MGAT4C: variants seen among roughly 807,000 people sequenced by gnomAD.
The protein encoded by MGAT4C is alpha-1,3-mannosyl-glycoprotein 4-beta-N-acetylglucosaminyltransferase C.
Under a neutral mutation model 40.1 loss-of-function variants are expected in MGAT4C, and 19 were observed. The ratio of observed to expected loss-of-function variants is 0.47; its 90% CI spans 0.33 to 0.70. The LOEUF is 0.70. Ranked by LOEUF, MGAT4C falls within the 30% of genes least tolerant of loss-of-function variation. The pLI, the probability that MGAT4C is intolerant of heterozygous loss-of-function variation, is 0.02. For missense variants in MGAT4C, 491 were observed against 563.2 expected, an observed-to-expected ratio of 0.87 and a Z score of 1.30; for synonymous variants, 181 against 187.1, an observed-to-expected ratio of 0.97 and a Z score of 0.27.
chr12:86,741,224 C>G (rs1951063619), intron 1 of MGAT4C, among the ~76,000 whole-genome samples: 1 of 151,058 alleles, frequency 6.6e-6, no homozygotes, highest in African/African-American at 2.4e-5. Context: ...TTGACAATAG[C>G]AAAGACCTAA....
intron 2 of MGAT4C, among the ~76,000 whole-genome samples, chr12:86,488,282 T>C (rs1205915553): frequency 6.6e-6 from 1 of 150,870 alleles, no homozygotes; most frequent in East Asian, 2.0e-4. Flanking sequence ...AAAAATTAGC[T>C]GGGCATGGTG....
chr12:86,391,330 C>T (rs776308020), intron 3 of MGAT4C, among the ~76,000 whole-genome samples: 11 of 152,096 alleles, frequency 7.2e-5, no homozygotes, highest in Non-Finnish European at 1.0e-4. Context: ...AAACACAGGA[C>T]AGTTGTGCCA....
At chr12:86,043,678 A>G (rs1892094674) in intron 2 of MGAT4C, among the ~76,000 whole-genome samples, 1 of 152,214 alleles carries the variant, frequency 6.6e-6, no homozygotes, top group African/African-American at 2.4e-5. Flanking sequence ...AATCAAGTTG[A>G]CACTCGATAT....
chr12:86,612,967 G>T (rs1401025787), intron 2 of MGAT4C, among the ~76,000 whole-genome samples: 1 of 151,934 alleles, frequency 6.6e-6, no homozygotes, highest in Non-Finnish European at 1.5e-5. Flanking sequence ...TGAATCAATG[G>T]CATTTACACT....
chr12:86,788,129 T>A (rs919733934), intron 1 of MGAT4C, among the ~76,000 whole-genome samples: 1 of 151,052 alleles, frequency 6.6e-6, no homozygotes, highest in Non-Finnish European at 1.5e-5. Flanking sequence ...ATGGGTGCTA[T>A]ATATATATAA....
chr12:86,194,245 C>T (rs1949708499), intron 1 of MGAT4C, among the ~76,000 whole-genome samples: 1 of 151,868 alleles, frequency 6.6e-6, no homozygotes, highest in South Asian at 2.1e-4. Context: ...TATTTAAAAA[C>T]ATCTAAAAAG....
chr12:86,581,654 T>C (rs1448085685), intron 2 of MGAT4C, among the ~76,000 whole-genome samples: 2 of 151,452 alleles, frequency 1.3e-5, no homozygotes, highest in African/African-American at 4.8e-5. Context: ...AGAAGAACTA[T>C]CACTCTTTCT....
At chr12:86,118,244 T>C (rs767127410) in intron 1 of MGAT4C, among the ~76,000 whole-genome samples, 2 of 152,118 alleles carry the variant, frequency 1.3e-5, no homozygotes, top group African/African-American at 4.8e-5. Flanking sequence ...GCCTGAAGAA[T>C]GGGTACTCAA....
chr12:86,684,481 G>A (rs988672115), intron 2 of MGAT4C, among the ~76,000 whole-genome samples: 1 of 152,096 alleles, frequency 6.6e-6, no homozygotes, highest in Non-Finnish European at 1.5e-5. Flanking sequence ...AAATAGTGCT[G>A]GAATAAACAT....
intron 2 of MGAT4C, among the ~76,000 whole-genome samples, chr12:86,538,625 G>C (rs999099533): frequency 1.2e-3 from 60 of 50,776 alleles, no homozygotes; most frequent in African/African-American, 3.9e-3. Context: ...TTTTTTTTTT[G>C]AGACAAGAGT....
chr12:86,267,874 G>C (rs1214612350), intron 4 of MGAT4C, among the ~76,000 whole-genome samples: 1 of 152,124 alleles, frequency 6.6e-6, no homozygotes, highest in Non-Finnish European at 1.5e-5. Context: ...CGTATCAATT[G>C]CAAACAAGCA....
At chr12:86,425,312 TG>T (rs1204853062) in intron 3 of MGAT4C, among the ~76,000 whole-genome samples, 7 of 152,116 alleles carry the variant, frequency 4.6e-5, no homozygotes, top group Non-Finnish European at 1.0e-4. Context: ...GATTGGATCA[TG>T]GGGGGTGTTT....
intron 2 of MGAT4C, among the ~76,000 whole-genome samples, chr12:86,511,313 C>A (rs1167069630): frequency 6.6e-6 from 1 of 152,088 alleles, no homozygotes; most frequent in African/African-American, 2.4e-5. Flanking sequence ...ACACAACATA[C>A]CAGAATCTCT....
chr12:86,231,153 A>G (rs1951307441), intron 1 of MGAT4C, among the ~76,000 whole-genome samples: 1 of 152,216 alleles, frequency 6.6e-6, no homozygotes. Context: ...GATTTTTCTG[A>G]CTAATAGAAA....
chr12:86,697,695 C>T (rs1018667277), intron 2 of MGAT4C, among the ~76,000 whole-genome samples: 3 of 151,976 alleles, frequency 2.0e-5, no homozygotes, highest in African/African-American at 7.2e-5. Context: ...TGATTCTGTA[C>T]TTGAATAATG....
chr12:86,431,873 G>A (rs546369867), intron 3 of MGAT4C, among the ~76,000 whole-genome samples: 2 of 152,180 alleles, frequency 1.3e-5, no homozygotes, highest in African/African-American at 4.8e-5. Flanking sequence ...ATTGATACAC[G>A]CTATAGGGTT....
At chr12:86,563,754 G>T (rs1959970034) in intron 2 of MGAT4C, among the ~76,000 whole-genome samples, 2 of 152,176 alleles carry the variant, frequency 1.3e-5, no homozygotes, top group Non-Finnish European at 2.9e-5. Flanking sequence ...GACCCAAAAG[G>T]TTATTGTGGT....
chr12:86,173,396 T>C (rs996825070), intron 1 of MGAT4C, among the ~76,000 whole-genome samples: 3 of 152,138 alleles, frequency 2.0e-5, no homozygotes, highest in Non-Finnish European at 4.4e-5. Flanking sequence ...ATTATCATCA[T>C]ACCTCAAGCA....
intron 1 of MGAT4C, among the ~76,000 whole-genome samples, chr12:86,774,341 G>GCC (rs1951707664): frequency 7.2e-5 from 1 of 13,820 alleles, no homozygotes; most frequent in Non-Finnish European, 1.5e-4. Flanking sequence ...CTTTCTTTCT[G>GCC]TCTCTCTCTC....
Sources: allele counts gnomAD v4.1 joint callset (sites outside exome capture counted in the v4.1 genomes callset), GRCh38; gene constraint gnomAD v4.1.1; transcripts MANE v1.5; gene names NCBI Gene and HGNC (gene_info 2026-07-23, HGNC 2026-07-21).